Variants in PCCA observed in about 807,000 individuals in gnomAD.
PCCA encodes propionyl-CoA carboxylase subunit alpha.
A neutral mutation model predicts 101.3 loss-of-function variants in PCCA; 74 were observed. The observed-to-expected ratio is 0.73, with a 90% CI of 0.61 to 0.89. The LOEUF (loss-of-function observed/expected upper bound fraction) is 0.89. PCCA is among the 40% of genes least tolerant of loss of function. The probability of loss-of-function intolerance (pLI) is 0.00; values close to 1 mark genes in which losing one functional copy is unlikely to be tolerated. For missense variants in PCCA, 891 were observed against 907.0 expected (o/e 0.98, Z 0.23); for synonymous variants, 294 against 313.6 (o/e 0.94, Z 0.66).
At chr13:100,315,103 A>G (rs1031524647) in intron 16 of PCCA, among the ~76,000 whole-genome samples, 1 of 152,222 alleles carries the variant, frequency 6.6e-6, no homozygotes, top group African/African-American at 2.4e-5. Context: ...GTATCTGTGT[A>G]TAAATAGAAA....
chr13:100,275,585 G>A (rs529716451), intron 12 of PCCA, among the ~76,000 whole-genome samples: 1 of 152,054 alleles, frequency 6.6e-6, no homozygotes, highest in Non-Finnish European at 1.5e-5. Flanking sequence ...TTGACCATTT[G>A]CTCCTTAGAA....
rs2087785523 is a variant in PCCA at position 100,526,106 on chromosome 13, GC to G, written c.2041-1568del. ...AGGTGTGCTGCAGTGAACTGGACCT[GC>G]TCCTGGATTCCCTGGTCTTTGCCTG... On this transcript the variant is annotated intron_variant, in intron 22 of 23. Coordinates refer to ENST00000376285, the MANE Select transcript of PCCA (RefSeq NM_000282.4). Among the ~76,000 whole-genome samples the G allele has an allele frequency of 2.6e-5, 4 of 152,278 alleles. No individual in the cohort carries two copies. In the South Asian group the frequency reaches 8.3e-4, roughly 32 times the overall value.
intron 4 of PCCA, among the ~76,000 whole-genome samples, chr13:100,147,576 C>T (rs1364130872): frequency 1.3e-5 from 2 of 152,170 alleles, no homozygotes; most frequent in Non-Finnish European, 2.9e-5. Flanking sequence ...GTTATTGCTT[C>T]AGAAAGATGT....
At chr13:100,100,990 A>G (rs920951696) in intron 1 of PCCA, among the ~76,000 whole-genome samples, 11 of 151,982 alleles carry the variant, frequency 7.2e-5, no homozygotes, top group African/African-American at 2.4e-4. Context: ...TTTAGTAGAG[A>G]TGGGGTTTCT....
At chr13:100,361,235 T>C (rs1463132760) in intron 18 of PCCA, among the ~76,000 whole-genome samples, 2 of 152,152 alleles carry the variant, frequency 1.3e-5, no homozygotes, top group African/African-American at 4.8e-5. Context: ...ATTAGATATT[T>C]GTCAAAACCC....
chr13:100,513,210 A>G (rs2086611004), intron 21 of PCCA, among the ~76,000 whole-genome samples: 2 of 152,250 alleles, frequency 1.3e-5, no homozygotes, highest in Admixed American at 1.3e-4. Flanking sequence ...GGTAATCTTA[A>G]AAAGAGAATC....
intron 20 of PCCA, among the ~76,000 whole-genome samples, chr13:100,427,377 C>T (rs1324396729): frequency 2.0e-5 from 3 of 152,210 alleles, no homozygotes; most frequent in Non-Finnish European, 4.4e-5. Context: ...GTACAAACTC[C>T]TATTATGCAA....
rs5003101 is a variant in PCCA at position 100,248,832 on chromosome 13, C to T, written c.638-8763C>T. Reference sequence around the variant, plus strand: ...CGCGAGCTTGGCTCACTGCAACCTCCGCCTCCCGGGTTCAAGTGATCCTCC... The same window carrying T: ...CGCGAGCTTGGCTCACTGCAACCTCTGCCTCCCGGGTTCAAGTGATCCTCC... On this transcript the variant is annotated intron_variant, in intron 8 of 23. Coordinates refer to ENST00000376285, the MANE Select transcript of PCCA (RefSeq NM_000282.4). 1.8e-3 allele frequency among the ~76,000 whole-genome samples: 270 copies of T among 152,124 alleles called. 1 individual carries two copies. The highest frequency in any genetic ancestry group is 5.8e-3 in the African/African-American group (241 of 41,492).
intron 4 of PCCA, 23 bp from the exon 5 acceptor site, chr13:100,154,956 A>C (rs2053722406): frequency 1.4e-5 from 21 of 1,511,058 alleles, no homozygotes; most frequent in Non-Finnish European, 1.8e-5. Flanking sequence ...CGCATCTGTT[A>C]ATGCAGAAAT....
chr13:100,223,479 T>C (rs1318533641), intron 7 of PCCA, among the ~76,000 whole-genome samples: 1 of 152,102 alleles, frequency 6.6e-6, no homozygotes, highest in East Asian at 1.9e-4. Context: ...CCCGGTGGGC[T>C]TGTGGTCTCG....
At chr13:100,259,519 G>A (rs944175424) in intron 9 of PCCA, among the ~76,000 whole-genome samples, 2 of 151,766 alleles carry the variant, frequency 1.3e-5, no homozygotes, top group African/African-American at 4.8e-5. Flanking sequence ...ATTTTTAGTA[G>A]AGACGGGGTT....
rs146605368 is a variant in PCCA at position 100,433,741 on chromosome 13, C to T, written c.1845+8010C>T. Among the ~76,000 whole-genome samples the T allele has an allele frequency of 2.6e-4, 40 of 152,304 alleles. No individual in the cohort carries two copies. In the East Asian group the frequency reaches 7.3e-3, roughly 28 times the overall value. ...TTTACTAGTGCAGAGGAGAATGTTG[C>T]TTTCTTCTTGCTTGCTTTATATTGT... On this transcript the variant is annotated intron_variant, in intron 20 of 23. Transcript: ENST00000376285.
intron 19 of PCCA, among the ~76,000 whole-genome samples, chr13:100,381,473 G>T (rs542278985): frequency 1.3e-5 from 2 of 152,224 alleles, no homozygotes; most frequent in South Asian, 4.1e-4. Flanking sequence ...AAAGGGTGCA[G>T]CTGCTTTGGA....
At chr13:100,157,460 G>A in intron 6 of PCCA, 120 bp downstream of exon 6, 1 of 710,046 alleles carries the variant, frequency 1.4e-6, no homozygotes, top group Non-Finnish European at 2.5e-6. Flanking sequence ...GCAGTTCTTT[G>A]AAAATTGTGA....
At chr13:100,206,446 T>C (rs1488622975) in intron 6 of PCCA, among the ~76,000 whole-genome samples, 1 of 152,120 alleles carries the variant, frequency 6.6e-6, no homozygotes, top group Non-Finnish European at 1.5e-5. Flanking sequence ...TTTGTATTTT[T>C]AGTAGAGGCC....
chr13:100,096,908 G>A (rs1240465816), intron 1 of PCCA, among the ~76,000 whole-genome samples: 1 of 152,172 alleles, frequency 6.6e-6, no homozygotes, highest in Non-Finnish European at 1.5e-5. Context: ...AAGAAGTGAG[G>A]CCGGGCGCAG....
At chr13:100,408,014 T>C (rs765475925) in intron 19 of PCCA, among the ~76,000 whole-genome samples, 1 of 152,086 alleles carries the variant, frequency 6.6e-6, no homozygotes, top group Non-Finnish European at 1.5e-5. Context: ...TATCTGGGCA[T>C]GGTGGCGGGC....
intron 6 of PCCA, among the ~76,000 whole-genome samples, chr13:100,172,400 A>G (rs1476121222): frequency 2.0e-5 from 3 of 152,152 alleles, no homozygotes; most frequent in African/African-American, 7.2e-5. Flanking sequence ...ATGAAAGATC[A>G]TAAATTGATT....
intron 19 of PCCA, among the ~76,000 whole-genome samples, chr13:100,370,727 C>A (rs964083420): frequency 6.6e-6 from 1 of 152,018 alleles, no homozygotes; most frequent in African/African-American, 2.4e-5. Context: ...TGAAAGGAGG[C>A]AGGTTGAACA....
Sources: allele counts gnomAD v4.1 joint callset (sites outside exome capture counted in the v4.1 genomes callset), GRCh38; gene constraint gnomAD v4.1.1; transcripts MANE v1.5; gene names NCBI Gene and HGNC (gene_info 2026-07-23, HGNC 2026-07-21).